DOCK4: variants seen among roughly 807,000 people sequenced by gnomAD.
DOCK4 encodes the protein dedicator of cytokinesis 4, also known as dedicator of cytokinesis protein 4.
In DOCK4, 97 loss-of-function variants were observed where a neutral mutation model predicts 268.1. The observed-to-expected ratio is 0.36, with a 90% CI of 0.31 to 0.43. The LOEUF is 0.43. Ranked by LOEUF, DOCK4 falls within the 20% of genes least tolerant of loss-of-function variation. DOCK4 has a pLI of 1.00. For synonymous variants in DOCK4, 954 were observed against 887.2 expected, an observed-to-expected ratio of 1.08 and a Z score of -1.34; for missense variants, 2,145 against 2,455.7, an observed-to-expected ratio of 0.87 and a Z score of 2.67.
rs1182898649 is a variant in DOCK4, at chr7:111,970,147, T to G, written c.701+6985A>C. On this transcript the variant is annotated intron_variant, in intron 8 of 52. Coordinates refer to ENST00000428084, the MANE Select transcript of DOCK4 (RefSeq NM_001363540.2). ...CTACAAACCCTCGACAGACCCCTTA[T>G]GACACACTGGTGAGTAAAAATAGGT... Among the ~76,000 whole-genome samples the G allele has an allele frequency of 3.9e-5, 6 of 152,184 alleles. No individual in the cohort carries two copies. The East Asian group carries it at 5.8e-4, about 15-fold the overall frequency.
intron 1 of DOCK4, among the ~76,000 whole-genome samples, chr7:112,043,250 C>G (rs1462569679): frequency 6.6e-6 from 1 of 150,592 alleles, no homozygotes; most frequent in Non-Finnish European, 1.5e-5. Context: ...AAAAAAAAAA[C>G]TTAATCAATA....
At chr7:112,048,009 A>C (rs1416465829) in intron 1 of DOCK4, among the ~76,000 whole-genome samples, 1 of 152,212 alleles carries the variant, frequency 6.6e-6, no homozygotes, top group Non-Finnish European at 1.5e-5. Context: ...AATTTTAAAC[A>C]CAACATCAGT....
At chr7:112,200,743 A>AG (rs1215348846) in intron 1 of DOCK4, among the ~76,000 whole-genome samples, 2 of 150,038 alleles carry the variant, frequency 1.3e-5, no homozygotes, top group African/African-American at 4.9e-5. Flanking sequence ...AAAAAACAAA[A>AG]AAAAACAAGA....
At chr7:112,177,646 T>A (rs1007068894) in intron 1 of DOCK4, among the ~76,000 whole-genome samples, 9 of 152,188 alleles carry the variant, frequency 5.9e-5, no homozygotes, top group Non-Finnish European at 1.0e-4. Flanking sequence ...TGATAGCTAA[T>A]CACATGGAAA....
intron 1 of DOCK4, among the ~76,000 whole-genome samples, chr7:112,175,664 A>G (rs1818446243): frequency 6.6e-6 from 1 of 152,186 alleles, no homozygotes; most frequent in African/African-American, 2.4e-5. Flanking sequence ...ACACATAAGT[A>G]TTACATCTTT....
At chr7:112,163,699 T>C (rs553706225) in intron 1 of DOCK4, among the ~76,000 whole-genome samples, 9 of 152,326 alleles carry the variant, frequency 5.9e-5, no homozygotes, top group African/African-American at 1.9e-4. Context: ...AAATAATTAT[T>C]ACCCCATTTT....
chr7:112,152,146 C>T (rs891778852), intron 1 of DOCK4, among the ~76,000 whole-genome samples: 1 of 152,114 alleles, frequency 6.6e-6, no homozygotes, highest in African/African-American at 2.4e-5. Flanking sequence ...ACATGCTCAA[C>T]TTTAATTTTA....
At chr7:111,954,578 C>T (rs546773155) in intron 8 of DOCK4, among the ~76,000 whole-genome samples, 3 of 152,096 alleles carry the variant, frequency 2.0e-5, no homozygotes, top group South Asian at 2.1e-4. Context: ...CAGCAGCGTG[C>T]GTCAGCAAGA....
intron 1 of DOCK4, among the ~76,000 whole-genome samples, chr7:112,005,112 T>C (rs1800750609): frequency 6.6e-6 from 1 of 152,038 alleles, no homozygotes; most frequent in Non-Finnish European, 1.5e-5. Flanking sequence ...AACTAACAAT[T>C]CACATCAAAA....
intron 8 of DOCK4, among the ~76,000 whole-genome samples, chr7:111,973,156 C>CGCATAT (rs990863473): frequency 1.2e-4 from 14 of 114,050 alleles, no homozygotes; most frequent in African/African-American, 4.7e-4. Context: ...TATTCCATGG[C>CGCATAT]ATATATATAT....
chr7:112,164,345 C>T (rs879507069), intron 1 of DOCK4, among the ~76,000 whole-genome samples: 3 of 152,160 alleles, frequency 2.0e-5, no homozygotes, highest in Admixed American at 1.3e-4. Flanking sequence ...CACATCTTTA[C>T]TGGTTATATA....
At chr7:111,877,543 G>A (rs1221372953) in intron 16 of DOCK4, among the ~76,000 whole-genome samples, 1 of 152,132 alleles carries the variant, frequency 6.6e-6, no homozygotes, top group Non-Finnish European at 1.5e-5. Context: ...CCTTGAAAAT[G>A]ATCAATAAAT....
chr7:112,108,911 C>T (rs1444873256), intron 1 of DOCK4, among the ~76,000 whole-genome samples: 2 of 152,004 alleles, frequency 1.3e-5, no homozygotes, highest in Admixed American at 6.6e-5. Context: ...TTTCTGAGCA[C>T]TGCCAGGGAC....
intron 25 of DOCK4, among the ~76,000 whole-genome samples, chr7:111,841,455 C>T (rs181090855): frequency 1.3e-5 from 2 of 152,226 alleles, no homozygotes; most frequent in East Asian, 1.9e-4. Context: ...GACACCGCGC[C>T]TGGCCTATTT....
At chr7:111,872,184 A>T in intron 19 of DOCK4, 85 bp downstream of exon 19, 1 of 1,358,654 alleles carries the variant, frequency 7.4e-7, no homozygotes, top group Non-Finnish European at 1.0e-6. Context: ...TTACATTATT[A>T]AGCACATGTT....
rs1802562222 is a variant in DOCK4, at chr7:111,828,395, T to C, written c.2836-5939A>G. Among the ~76,000 whole-genome samples, 3 of 152,280 alleles carry C rather than the reference T, an allele frequency of 2.0e-5. No homozygotes were observed. In the South Asian group the frequency reaches 6.2e-4, roughly 32 times the overall value. On this transcript the variant is annotated intron_variant, in intron 26 of 52. Coordinates refer to ENST00000428084, the MANE Select transcript of DOCK4 (RefSeq NM_001363540.2). ...GGCATCCAGGCTCTTCAGGCATGAA[T>C]GGAGTTGAAAGACCTTTAGTCTTAG...
chr7:111,908,125 T>G (rs748060627), intron 13 of DOCK4, among the ~76,000 whole-genome samples: 1 of 152,158 alleles, frequency 6.6e-6, no homozygotes, highest in Admixed American at 6.5e-5. Flanking sequence ...CATCTGTTGA[T>G]GTGTATTTCT....
At chr7:112,069,066 CT>C (rs1807342287) in intron 1 of DOCK4, among the ~76,000 whole-genome samples, 1 of 152,164 alleles carries the variant, frequency 6.6e-6, no homozygotes, top group Admixed American at 6.5e-5. Context: ...AAAATGCACT[CT>C]TGCATATCTT....
At chr7:111,899,720 C>T (rs1790972920) in intron 15 of DOCK4, among the ~76,000 whole-genome samples, 1 of 152,072 alleles carries the variant, frequency 6.6e-6, no homozygotes, top group South Asian at 2.1e-4. Flanking sequence ...GTCAGGAGTT[C>T]AAGACCAGCC....
Sources: gnomAD v4.1 joint callset for allele counts (sites outside exome capture counted in the v4.1 genomes callset) on GRCh38, gnomAD v4.1.1 for gene constraint, MANE v1.5 for transcripts, NCBI Gene and HGNC (gene_info 2026-07-23, HGNC 2026-07-21) for gene names.